The following ATP6V1B2 variants were observed in gnomAD, a reference collection of about 807,000 sequenced individuals.
The protein encoded by ATP6V1B2 is V-type proton ATPase subunit B, brain isoform.
ATP6V1B2 carries 23 observed loss-of-function variants against 66.7 expected under a neutral mutation model. That is an observed-to-expected ratio of 0.34 (90% confidence interval 0.25 to 0.49). ATP6V1B2 has a LOEUF of 0.49. Among genes scored for constraint, ATP6V1B2 ranks in the 20% least tolerant of loss-of-function variants. The pLI, the probability that ATP6V1B2 is intolerant of heterozygous loss-of-function variation, is 0.99. For missense variants in ATP6V1B2, 478 were observed against 650.8 expected, an observed-to-expected ratio of 0.73 and a Z score of 2.89; for synonymous variants, 278 against 236.7, an observed-to-expected ratio of 1.17 and a Z score of -1.60.
chr8:20,198,158 C>T (rs550114972), intron 1 of ATP6V1B2, among the ~76,000 whole-genome samples: 8 of 152,192 alleles, frequency 5.3e-5, no homozygotes, highest in Non-Finnish European at 1.0e-4. Context: ...CCAGTCCAAC[C>T]CTATCATTTT....
In ATP6V1B2 at chr8:20,204,794, A is replaced by G. The variant is rs183455699; in HGVS notation, c.192+255A>G. On this transcript the variant is annotated intron_variant, in intron 2 of 13. Transcript: ENST00000276390. The stretch of plus-strand genomic sequence containing the variant: ...ATGTTTTCTAGAACAGTAATTGTAC[A>G]TTGGTTACAGGGGTGGGTCAGGGAG... Among the ~76,000 whole-genome samples the G allele has an allele frequency of 1.6e-4, 24 of 152,256 alleles. No homozygotes were observed. In the East Asian group the frequency reaches 4.1e-3, roughly 26 times the overall value.
At position 20,197,511 on chromosome 8, in the gene ATP6V1B2, C is replaced by T. The variant is rs1344400399; in HGVS notation, c.105C>T (p.Val35=). The change falls in exon 1 of 14, where the codon GTC becomes GTT. Residue 35 remains valine, a synonymous_variant. Coordinates refer to ENST00000276390, the MANE Select transcript of ATP6V1B2 (RefSeq NM_001693.4). ...GAGCTCGGGAGCAGGCGCTGGCAGT[C>T]AGTCGGAACTACCTCTCCCAGCCTC... The part of the protein sequence containing the change: ...AVGAREQALA[V]SRNYLSQPRL... 6.7e-7 allele frequency: 1 copy of T among 1,485,334 alleles called. No individual in the cohort carries two copies. The highest frequency in any genetic ancestry group is 9.0e-7 in the Non-Finnish European group (1 of 1,115,850). 92.0% of individuals were successfully genotyped at this position (1,485,334 alleles called of 1,614,324 possible).
chr8:20,202,591 T>C (rs540679690), intron 1 of ATP6V1B2, among the ~76,000 whole-genome samples: 2 of 152,350 alleles, frequency 1.3e-5, no homozygotes, highest in South Asian at 4.1e-4. Flanking sequence ...CAGGAAAAGC[T>C]ATGACTAGTG....
At chr8:20,214,214 C>T (rs1046206532) in intron 9 of ATP6V1B2, 1 of 152,224 alleles carries the variant, frequency 6.6e-6, no homozygotes, top group African/African-American at 2.4e-5. Flanking sequence ...GTATCCATGT[C>T]TCTAAGGGAA....
chr8:20,204,748 C>T lies in ATP6V1B2; in HGVS notation c.192+209C>T, dbSNP rs145647828. 9.0e-3 allele frequency among the ~76,000 whole-genome samples: 1,374 copies of T among 152,206 alleles called. 25 individuals carry two copies. The highest frequency in any genetic ancestry group is 0.031 in the African/African-American group (1,301 of 41,524). Reference sequence around the variant, plus strand: ...TGAGCTGTTTGACCAAAATATCATCCAAGAAAATAATTTCCATAATATGTT... The same window carrying T: ...TGAGCTGTTTGACCAAAATATCATCTAAGAAAATAATTTCCATAATATGTT... On this transcript the variant is annotated intron_variant, in intron 2 of 13. Coordinates refer to ENST00000276390, the MANE Select transcript of ATP6V1B2 (RefSeq NM_001693.4).
At chr8:20,205,050 A>G (rs1246884576) in intron 2 of ATP6V1B2, among the ~76,000 whole-genome samples, 1 of 152,186 alleles carries the variant, frequency 6.6e-6, no homozygotes, top group Non-Finnish European at 1.5e-5. Context: ...GCAGTTTGAT[A>G]TGTGCTGCAG....
chr8:20,212,943 T>C (rs1390090831), intron 9 of ATP6V1B2, 38 bp downstream of exon 9: 1 of 1,611,784 alleles, frequency 6.2e-7, no homozygotes, highest in East Asian at 2.2e-5. Context: ...TAAACAAAAT[T>C]GGTTAATTTT....
At position 20,197,515 on chromosome 8, in the gene ATP6V1B2, C is replaced by G. The variant is rs764227326; in HGVS notation, c.109C>G (p.Arg37Gly). The G allele has an allele frequency of 5.4e-6, 8 of 1,481,276 alleles. No homozygotes were observed. In the South Asian group the frequency reaches 1.1e-4, roughly 20 times the overall value. The allele number at this position is 1,481,276 out of a possible 1,614,324, so 91.8% of individuals were successfully genotyped here. A position where few individuals can be genotyped will look rare whatever the true frequency, so the allele number is the denominator to read the frequency against. The stretch of plus-strand genomic sequence containing the variant: ...TCGGGAGCAGGCGCTGGCAGTCAGT[C>G]GGAACTACCTCTCCCAGCCTCGCCT... ...GAREQALAVS[R>G]NYLSQPRLTY... Residue 37 changes from arginine to glycine, a missense_variant, in exon 1 of 14, where the codon CGG becomes GGG. By Grantham distance (125) the Arg-to-Gly change is moderately radical (BLOSUM62 -2). Around this residue, in one of 2 missense-constraint regions of ATP6V1B2, gnomAD observed 152 missense variants for 105.2 expected, o/e 1.44. Transcript: ENST00000276390.
intron 2 of ATP6V1B2, among the ~76,000 whole-genome samples, chr8:20,205,048 A>G (rs2072724442): frequency 6.6e-6 from 1 of 152,176 alleles, no homozygotes; most frequent in Non-Finnish European, 1.5e-5. Context: ...CTGCAGTTTG[A>G]TATGTGCTGC....
intron 2 of ATP6V1B2, among the ~76,000 whole-genome samples, chr8:20,205,589 A>T (rs2072730578): frequency 6.6e-6 from 1 of 152,216 alleles, no homozygotes; most frequent in African/African-American, 2.4e-5. Context: ...AATCATTTTT[A>T]TGTAGTTGTA....
At chr8:20,217,179 G>T (rs780847514) in intron 11 of ATP6V1B2, 41 bp from the exon 12 acceptor site, 2 of 1,506,758 alleles carry the variant, frequency 1.3e-6, no homozygotes, top group Admixed American at 1.7e-5. Flanking sequence ...CTTGAGTTTT[G>T]TACTTAAATA....
chr8:20,205,816 T>G (rs951394691), intron 2 of ATP6V1B2, among the ~76,000 whole-genome samples: 6 of 152,330 alleles, frequency 3.9e-5, no homozygotes, highest in Non-Finnish European at 8.8e-5. Context: ...GAAAAATAGC[T>G]GTTCTCACTT....
At position 20,221,472 on chromosome 8, in the gene ATP6V1B2, A is replaced by T. The variant is rs546740776; in HGVS notation, c.*1070A>T. 4 of 152,572 alleles carry T rather than the reference A, an allele frequency of 2.6e-5. No individual in the cohort carries two copies. The highest frequency in any genetic ancestry group is 7.2e-5 in the African/African-American group (3 of 41,410). The allele number at this position is 152,572 out of a possible 1,614,324, so 9.5% of individuals were successfully genotyped here. ...TGACGTGAGCCCTGAGCGATCTTCT[A>T]TGCAGTTCTGCCATGCGTCCTGTTG... On this transcript the variant is annotated 3_prime_UTR_variant, in exon 14 of 14. Transcript: ENST00000276390.
At chr8:20,200,185 AT>A (rs1450739585) in intron 1 of ATP6V1B2, among the ~76,000 whole-genome samples, 2 of 150,044 alleles carry the variant, frequency 1.3e-5, no homozygotes, top group African/African-American at 4.9e-5. Flanking sequence ...TTTAATTTTT[AT>A]TTTTTATTTT....
chr8:20,213,163 G>T, intron 9 of ATP6V1B2: 1 of 407,408 alleles, frequency 2.5e-6, no homozygotes, highest in Non-Finnish European at 4.4e-6. Context: ...TTGTAAAAGG[G>T]AGTAAATAAT....
At chr8:20,211,416 TACTC>T (rs1563811316) in intron 6 of ATP6V1B2, 100 bp downstream of exon 6, 1 of 1,469,430 alleles carries the variant, frequency 6.8e-7, no homozygotes, top group Non-Finnish European at 9.1e-7. Flanking sequence ...TCAAAATAAA[TACTC>T]AGTGTTATTG....
intron 5 of ATP6V1B2, among the ~76,000 whole-genome samples, chr8:20,210,914 C>G (rs1054663249): frequency 2.6e-5 from 4 of 151,904 alleles, no homozygotes; most frequent in African/African-American, 9.7e-5. Flanking sequence ...TAGGACTTCT[C>G]TCTTATTTGC....
In ATP6V1B2 at chr8:20,209,424, T is replaced by A. The variant is rs761297884; in HGVS notation, c.193-9T>A. On this transcript the variant is annotated splice_polypyrimidine_tract_variant and intron_variant, in intron 2 of 13. Transcript: ENST00000276390. ...GTCGGATATTGATCCTTTATTTTTT[T>A]CTCTTTAGTTTCCCAGGTATGCTGA... The A allele has an allele frequency of 1.9e-6, 3 of 1,613,048 alleles. No individual in the cohort carries two copies.
chr8:20,199,811 G>GT (rs1201017759), intron 1 of ATP6V1B2, among the ~76,000 whole-genome samples: 1 of 151,906 alleles, frequency 6.6e-6, no homozygotes, highest in African/African-American at 2.4e-5. Context: ...GGATTTCACC[G>GT]TGTTTCCCAG....
Sources: gnomAD v4.1 joint callset for allele counts (sites outside exome capture counted in the v4.1 genomes callset) on GRCh38, gnomAD v4.1.1 for gene constraint, gnomAD v4.1.1 regional missense constraint, MANE v1.5 for transcripts, NCBI Gene and HGNC (gene_info 2026-07-23, HGNC 2026-07-21) for gene names.